Variants in NPAS2 observed in about 807,000 individuals in gnomAD.
NPAS2 encodes the protein neuronal PAS domain protein 2.
Under a neutral mutation model 107.5 loss-of-function variants are expected in NPAS2, and 23 were observed. The observed-to-expected ratio is 0.21, with a 90% confidence interval of 0.15 to 0.30. NPAS2 has a LOEUF of 0.30. NPAS2 is among the 10% of genes least tolerant of loss of function. NPAS2 has a pLI of 1.00. For missense variants in NPAS2, 756 were observed against 1,043.3 expected (o/e 0.72, Z 3.79); for synonymous variants, 403 against 417.5 (o/e 0.97, Z 0.42).
rs200291744 is a variant in NPAS2, at chr2:100,993,320, C to G, written c.2112-27C>G. The G allele has an allele frequency of 1.8e-4, 278 of 1,527,100 alleles. 2 individuals are homozygous for G. In the African/African-American group the frequency reaches 3.6e-3, roughly 20 times the overall value. The allele number at this position is 1,527,100 out of a possible 1,614,324, so 94.6% of individuals were successfully genotyped here. ...TATCAATACTGCTTTCTTAAAGGAC[C>G]TGTTTTCTCCTTCCCACGTGAAACA... On this transcript the variant is annotated intron_variant, in intron 19 of 20. Transcript: ENST00000335681.
intron 15 of NPAS2, 34 bp from the exon 16 acceptor site, chr2:100,982,197 T>C (rs1677486347): frequency 2.5e-6 from 4 of 1,613,394 alleles, no homozygotes; most frequent in South Asian, 2.2e-5. Context: ...AATAACTCTT[T>C]CATCTGATTA....
chr2:100,820,246 C>CGCGGCGGCGGCGGCG lies in NPAS2; in HGVS notation c.-182_-168dup, dbSNP rs553770076. ...GCCGCGGAGCCCGGAGACCCGCAGC[C>CGCGGCGGCGGCGGCG]GCGGCGGCGGCGGCGGCGGCGGCAG... On this transcript the variant is annotated 5_prime_UTR_variant, in exon 1 of 21. Coordinates refer to ENST00000335681, the MANE Select transcript of NPAS2 (RefSeq NM_002518.4). This position sits in a 1 kb window ranked among gnomAD's most constrained non-coding sequence, Gnocchi z 5.6. 0.022 allele frequency: 3,147 copies of CGCGGCGGCGGCGGCG among 145,264 alleles called. 56 individuals are homozygous for CGCGGCGGCGGCGGCG. The highest frequency in any genetic ancestry group is 0.043 in the South Asian group (233 of 5,388). The allele number at this position is 145,264 out of a possible 1,614,324, so 9.0% of individuals were successfully genotyped here. A position where few individuals can be genotyped will look rare whatever the true frequency, so the allele number is the denominator to read the frequency against.
rs527572630 is a variant in NPAS2, at chr2:100,970,362, G to A, written c.1056-628G>A. ...AGAGTGAATGAATCAGGTGGCAGGCGTTCCGGAGGCCCAGGAGCCACGTTG... is the reference window on the plus strand; with the variant it reads ...AGAGTGAATGAATCAGGTGGCAGGCATTCCGGAGGCCCAGGAGCCACGTTG... On this transcript the variant is annotated intron_variant, in intron 11 of 20. Transcript: ENST00000335681. Among the ~76,000 whole-genome samples the A allele has an allele frequency of 1.1e-4, 16 of 152,364 alleles. 1 individual carries two copies. Among genetic ancestry groups the A allele is most frequent in the East Asian group, 3.9e-4 (2 of 5,180 alleles).
intron 3 of NPAS2, among the ~76,000 whole-genome samples, chr2:100,926,271 T>TTTCA (rs1683555263): frequency 6.6e-6 from 1 of 152,184 alleles, no homozygotes; most frequent in Non-Finnish European, 1.5e-5. Context: ...TGATATATGT[T>TTTCA]TTCACTTCTT....
intron 1 of NPAS2, among the ~76,000 whole-genome samples, chr2:100,867,397 G>A (rs1225198928): frequency 6.6e-6 from 1 of 152,176 alleles, no homozygotes; most frequent in East Asian, 1.9e-4. Flanking sequence ...TTCCAAGTAA[G>A]TTGAAACTTT....
At chr2:100,979,012 C>T (rs942999048) in intron 15 of NPAS2, among the ~76,000 whole-genome samples, 4 of 152,206 alleles carry the variant, frequency 2.6e-5, no homozygotes, top group African/African-American at 9.7e-5. Flanking sequence ...TCCCAGACGG[C>T]AGTTCAGCAG....
At chr2:100,859,777 G>C (rs559443334) in intron 1 of NPAS2, among the ~76,000 whole-genome samples, 3 of 152,118 alleles carry the variant, frequency 2.0e-5, no homozygotes, top group Admixed American at 2.0e-4. Context: ...TTGGTTGGTT[G>C]GTGTTAACTT....
At chr2:100,890,984 G>A (rs1681018684) in intron 1 of NPAS2, among the ~76,000 whole-genome samples, 1 of 152,110 alleles carries the variant, frequency 6.6e-6, no homozygotes, top group African/African-American at 2.4e-5. Flanking sequence ...TGTAATCCCA[G>A]CACTTTGGGA....
At chr2:100,984,861 T>C (rs1410346025) in intron 16 of NPAS2, 1 of 149,476 alleles carries the variant, frequency 6.7e-6, no homozygotes, top group Non-Finnish European at 1.5e-5. Context: ...CCTGTGATGC[T>C]TACTATTTTT....
At chr2:100,988,022 C>G in intron 16 of NPAS2, 57 bp from the exon 17 acceptor site, 1 of 1,571,098 alleles carries the variant, frequency 6.4e-7, no homozygotes, top group Non-Finnish European at 8.7e-7. Context: ...AAAGGAGGTG[C>G]ACACTGGTGA....
intron 10 of NPAS2, among the ~76,000 whole-genome samples, chr2:100,967,141 T>C (rs974799121): frequency 2.0e-5 from 3 of 151,940 alleles, no homozygotes; most frequent in Non-Finnish European, 2.9e-5. Flanking sequence ...GGCTTCTCCA[T>C]GGCTTGGGCA....
At chr2:100,854,527 G>A (rs1174135111) in intron 1 of NPAS2, among the ~76,000 whole-genome samples, 1 of 152,176 alleles carries the variant, frequency 6.6e-6, no homozygotes. Flanking sequence ...AACCCCAGGG[G>A]AAAGAGAAAG....
intron 1 of NPAS2, among the ~76,000 whole-genome samples, chr2:100,855,867 A>G (rs1294296136): frequency 2.0e-5 from 3 of 152,176 alleles, no homozygotes; most frequent in Admixed American, 6.5e-5. Flanking sequence ...CTTGGAGGAA[A>G]AGTGCACAAT....
At position 100,977,714 on chromosome 2, in the gene NPAS2, C is replaced by T; in HGVS notation, c.1397C>T (p.Pro466Leu). The T allele has an allele frequency of 6.2e-7, 1 of 1,614,182 alleles. No individual in the cohort carries two copies. Among genetic ancestry groups the T allele is most frequent in the Non-Finnish European group, 8.5e-7 (1 of 1,179,966 alleles). The change falls in exon 15 of 21, where the codon CCT becomes CTT. Residue 466 changes from proline to leucine, a missense_variant. Coordinates refer to ENST00000335681, the MANE Select transcript of NPAS2 (RefSeq NM_002518.4). Reference sequence around the variant, plus strand: ...AAGCCCCTTTCTCTCCCACAGGCCCCTCTGCCTTCCCCATCGTCCTGCGAC... The same window carrying T: ...AAGCCCCTTTCTCTCCCACAGGCCCTTCTGCCTTCCCCATCGTCCTGCGAC... ...GLSQAATMPAPLPSPSSCDLT... is the reference protein window; with the variant it reads ...GLSQAATMPALLPSPSSCDLT...
chr2:100,873,306 ATACACACAC>A (rs1679732105), intron 1 of NPAS2, among the ~76,000 whole-genome samples: 1 of 25,194 alleles, frequency 4.0e-5, no homozygotes, highest in African/African-American at 9.3e-5. Flanking sequence ...ATATATATAT[ATACACACAC>A]ACACACACAC....
Position 100,988,122 on chromosome 2 carries a change from C to T in NPAS2, c.1673C>T (p.Thr558Ile). 6.2e-7 allele frequency: 1 copy of T among 1,614,214 alleles called. No individual in the cohort carries two copies. Among genetic ancestry groups the T allele is most frequent in the Non-Finnish European group, 8.5e-7 (1 of 1,180,024 alleles). The change falls in exon 17 of 21, where the codon ACC becomes ATC. Residue 558 changes from threonine to isoleucine, a missense_variant. By Grantham distance (89) the Thr-to-Ile change is moderately conservative. This residue lies in a region of NPAS2 where 496 missense variants were observed against 594.4 expected (regional missense o/e 0.83). Transcript: ENST00000335681. ...GCTGTATCCCTGAGCTTCAGCAGCA[C>T]CCAGCGACCTGAGGCTCAGCAGCAG... Reference protein sequence around the residue: ...QPAVSLSFSSTQRPEAQQQLQ... With the variant: ...QPAVSLSFSSIQRPEAQQQLQ...
At chr2:100,832,030 C>T (rs959919788) in intron 1 of NPAS2, among the ~76,000 whole-genome samples, 3 of 152,238 alleles carry the variant, frequency 2.0e-5, no homozygotes, top group South Asian at 4.2e-4. Context: ...TGCTTCCTGG[C>T]AAGGCTCCAG....
intron 1 of NPAS2, among the ~76,000 whole-genome samples, chr2:100,860,332 C>T (rs189862993): frequency 7.9e-4 from 120 of 152,304 alleles, no homozygotes; most frequent in African/African-American, 2.6e-3. Flanking sequence ...GTGTATCAGA[C>T]GACCATGCTG....
At chr2:100,868,079 T>C (rs185895750) in intron 1 of NPAS2, among the ~76,000 whole-genome samples, 1 of 152,364 alleles carries the variant, frequency 6.6e-6, no homozygotes, top group African/African-American at 2.4e-5. Flanking sequence ...TTATTTTCTA[T>C]GAAGCACACT....
Sources: allele counts gnomAD v4.1 joint callset (sites outside exome capture counted in the v4.1 genomes callset), GRCh38; gene constraint gnomAD v4.1.1; regional missense constraint gnomAD v4.1.1; non-coding constraint Gnocchi (gnomAD v3.1); transcripts MANE v1.5; gene names NCBI Gene and HGNC (gene_info 2026-07-23, HGNC 2026-07-21).